Variants in SLC22A16 observed in about 807,000 individuals in gnomAD.
SLC22A16 encodes solute carrier family 22 member 16.
Under a neutral mutation model 52.9 loss-of-function variants are expected in SLC22A16, and 53 were observed. That is an observed-to-expected ratio of 1.00 (90% CI 0.80 to 1.26). The LOEUF is 1.26. Ranked by LOEUF, SLC22A16 falls within the 50% of genes most tolerant of loss-of-function variation. The pLI, the probability that SLC22A16 is intolerant of heterozygous loss-of-function variation, is 0.00. For missense variants in SLC22A16, 726 were observed against 704.0 expected (o/e 1.03, Z -0.35); for synonymous variants, 291 against 268.8 (o/e 1.08, Z -0.81).
Position 110,439,241 on chromosome 6 carries a change from A to C in SLC22A16, c.1184-394T>G, listed in dbSNP as rs111708626. On this transcript the variant is annotated intron_variant, in intron 4 of 7. Coordinates refer to ENST00000368919, the MANE Select transcript of SLC22A16 (RefSeq NM_033125.4). ...CCAAAACGGTAGATAATATAAAACC[A>C]TGTGTGTTTGTCTTTGGAAACATTT... Among the ~76,000 whole-genome samples the C allele has an allele frequency of 3.6e-3, 554 of 152,340 alleles. 4 individuals carry two copies. The highest frequency in any genetic ancestry group is 0.013 in the African/African-American group (523 of 41,594).
intron 6 of SLC22A16, among the ~76,000 whole-genome samples, chr6:110,435,095 T>C (rs1290800553): frequency 6.6e-6 from 1 of 152,228 alleles, no homozygotes; most frequent in Non-Finnish European, 1.5e-5. Context: ...AGCTGCCAGC[T>C]TTGAGAACCT....
chr6:110,475,657 T>A (rs375178896), intron 1 of SLC22A16, among the ~76,000 whole-genome samples: 5 of 152,112 alleles, frequency 3.3e-5, no homozygotes, highest in African/African-American at 1.2e-4. Flanking sequence ...CAGAATCATA[T>A]CAGAGGTAAG....
intron 7 of SLC22A16, 109 bp from the exon 8 acceptor site, chr6:110,425,194 A>AT: frequency 6.5e-7 from 1 of 1,532,978 alleles, no homozygotes; most frequent in Non-Finnish European, 8.8e-7. Context: ...TGAATTTGAC[A>AT]TAACAGTTGT....
intron 1 of SLC22A16, among the ~76,000 whole-genome samples, chr6:110,463,514 TAAA>T (rs386408237): frequency 7.5e-5 from 4 of 53,270 alleles, no homozygotes; most frequent in African/African-American, 3.1e-4. Flanking sequence ...GTAACAACAG[TAAA>T]AAAAAAAAAA....
Position 110,438,857 on chromosome 6 carries a change from A to G in SLC22A16, c.1184-10T>C. 6.2e-7 allele frequency: 1 copy of G among 1,613,668 alleles called. No individual in the cohort carries two copies. Among genetic ancestry groups the G allele is most frequent in the Middle Eastern group, 1.7e-4 (1 of 6,054 alleles). ...GGAATTTCCACTACACCTGTCATTG[A>G]GCAAGCAGCCCTCTATAAGTCTAGG... On this transcript the variant is annotated splice_polypyrimidine_tract_variant and intron_variant, in intron 4 of 7. Transcript: ENST00000368919.
Position 110,442,341 on chromosome 6 carries a change from A to G in SLC22A16, c.1086T>C (p.Val362=). ...AACTTCCAGTGAACCAGATTAGCCA[A>G]ACGGTAAGTGTCCTTTTCGTAATGC... is the stretch of plus-strand genomic sequence containing the variant. ...NWSITKRTLT[V]WLIWFTGSLG... Residue 362 remains valine, a synonymous_variant, in exon 4 of 8, where the codon GTT becomes GTC. Transcript: ENST00000368919. 1 of 1,614,214 alleles carries G rather than the reference A, an allele frequency of 6.2e-7. No homozygotes were observed. The highest frequency in any genetic ancestry group is 1.3e-5 in the African/African-American group (1 of 75,060).
Position 110,442,286 on chromosome 6 carries a change from C to T in SLC22A16, c.1141G>A (p.Val381Ile), listed in dbSNP as rs779107840. The T allele has an allele frequency of 6.2e-7, 1 of 1,614,136 alleles. No individual in the cohort carries two copies. The highest frequency in any genetic ancestry group is 2.2e-5 in the East Asian group (1 of 44,872). Residue 381 changes from valine (V) to isoleucine (I), a missense_variant, in exon 4 of 8, where the codon GTT becomes ATT. Coordinates refer to ENST00000368919, the MANE Select transcript of SLC22A16 (RefSeq NM_033125.4). ...LGFYSFSLNS[V>I]NLGGNEYLNL... Reference sequence around the variant, plus strand: ...AAGTATTCATTGCCTCCTAAGTTAACAGAATTCAAGGAAAACGAGTAGAAT... The same window carrying T: ...AAGTATTCATTGCCTCCTAAGTTAATAGAATTCAAGGAAAACGAGTAGAAT...
chr6:110,447,987 GT>G (rs1356168279), intron 2 of SLC22A16, among the ~76,000 whole-genome samples: 1 of 152,146 alleles, frequency 6.6e-6, no homozygotes, highest in African/African-American at 2.4e-5. Context: ...GTGAACTTAG[GT>G]TTTGAATTCT....
chr6:110,439,951 G>C (rs1165293401), intron 4 of SLC22A16: 1 of 152,096 alleles, frequency 6.6e-6, no homozygotes, highest in East Asian at 1.9e-4. Flanking sequence ...AGATAGCCAA[G>C]GCATATTAAA....
intron 5 of SLC22A16, among the ~76,000 whole-genome samples, chr6:110,437,817 T>C (rs952153293): frequency 6.6e-5 from 10 of 152,148 alleles, no homozygotes; most frequent in Admixed American, 3.3e-4. Context: ...TGCCAAAATA[T>C]GGGAATGTGA....
intron 1 of SLC22A16, among the ~76,000 whole-genome samples, chr6:110,459,336 C>T (rs1321319062): frequency 6.6e-6 from 1 of 152,126 alleles, no homozygotes; most frequent in Non-Finnish European, 1.5e-5. Flanking sequence ...GGTTAACATC[C>T]CCAGTGACGT....
intron 6 of SLC22A16, among the ~76,000 whole-genome samples, chr6:110,435,326 C>T (rs565723463): frequency 1.4e-4 from 21 of 152,288 alleles, no homozygotes; most frequent in Middle Eastern, 3.4e-3. Context: ...GGGACATCAG[C>T]GGTGCACACA....
chr6:110,451,593 C>G (rs1020542259), intron 2 of SLC22A16, among the ~76,000 whole-genome samples: 2 of 152,126 alleles, frequency 1.3e-5, no homozygotes, highest in African/African-American at 4.8e-5. Flanking sequence ...AAATCTTTTT[C>G]CCATTTTTCT....
chr6:110,458,662 G>A (rs1050565862), intron 1 of SLC22A16, among the ~76,000 whole-genome samples: 38 of 152,288 alleles, frequency 2.5e-4, no homozygotes, highest in African/African-American at 6.7e-4. Flanking sequence ...AGAGATTAGC[G>A]TATGAATCAG....
intron 1 of SLC22A16, among the ~76,000 whole-genome samples, chr6:110,473,136 A>G (rs1297254546): frequency 6.6e-6 from 1 of 152,128 alleles, no homozygotes; most frequent in African/African-American, 2.4e-5. Context: ...TCTATGACAC[A>G]CCGTAGCTGT....
chr6:110,439,354 C>T (rs572183046), intron 4 of SLC22A16, among the ~76,000 whole-genome samples: 8 of 152,272 alleles, frequency 5.3e-5, no homozygotes, highest in Admixed American at 2.0e-4. Context: ...AACTTCTAGC[C>T]TTCCTAAGCT....
In SLC22A16 at chr6:110,426,945, C is replaced by T. The variant is rs371758225; in HGVS notation, c.1522-1860G>A. ...AGCCTGGGCAACAAGAGTGAAACTCCGTCTTAAAAAAAAAACTTCTCAAAG... is the reference window on the plus strand; with the variant it reads ...AGCCTGGGCAACAAGAGTGAAACTCTGTCTTAAAAAAAAAACTTCTCAAAG... On this transcript the variant is annotated intron_variant, in intron 7 of 7. Transcript: ENST00000368919. Among the ~76,000 whole-genome samples the T allele has an allele frequency of 1.2e-4, 18 of 148,814 alleles. 1 individual carries two copies. In the South Asian group the frequency reaches 1.3e-3, roughly 11 times the overall value.
At chr6:110,467,760 T>A (rs1776120975) in intron 1 of SLC22A16, among the ~76,000 whole-genome samples, 1 of 152,254 alleles carries the variant, frequency 6.6e-6, no homozygotes. Context: ...CATATTCATA[T>A]AATGCTAAAT....
intron 6 of SLC22A16, among the ~76,000 whole-genome samples, chr6:110,432,253 C>A (rs372566681): frequency 1.3e-5 from 2 of 152,040 alleles, no homozygotes; most frequent in African/African-American, 2.4e-5. Context: ...GTTTAGGGAG[C>A]TCATAGAGTT....
Sources: gnomAD v4.1 joint callset for allele counts (sites outside exome capture counted in the v4.1 genomes callset) on GRCh38, gnomAD v4.1.1 for gene constraint, MANE v1.5 for transcripts, NCBI Gene and HGNC (gene_info 2026-07-23, HGNC 2026-07-21) for gene names.